Variants in GTF2E2 observed in about 807,000 individuals in gnomAD.
The protein encoded by GTF2E2 is general transcription factor IIE subunit 2.
A neutral mutation model predicts 40.5 loss-of-function variants in GTF2E2; 21 were observed. The ratio of observed to expected loss-of-function variants is 0.52; its 90% CI spans 0.37 to 0.75. The LOEUF (loss-of-function observed/expected upper bound fraction) is 0.75. Ranked by LOEUF, GTF2E2 falls within the 30% of genes least tolerant of loss-of-function variation. The pLI is 0.00. For synonymous variants in GTF2E2, 117 were observed against 121.6 expected (o/e 0.96, Z 0.25); for missense variants, 298 against 338.4 (o/e 0.88, Z 0.94).
chr8:30,627,424 C>CAAA (rs1801312352), intron 3 of GTF2E2, among the ~76,000 whole-genome samples: 1 of 133,622 alleles, frequency 7.5e-6, no homozygotes, highest in Admixed American at 8.3e-5. Context: ...GTGACTGGCT[C>CAAA]ACGGCAAGGT....
intron 6 of GTF2E2, among the ~76,000 whole-genome samples, chr8:30,586,640 T>C (rs1404491889): frequency 6.6e-6 from 1 of 152,150 alleles, no homozygotes; most frequent in African/African-American, 2.4e-5. Flanking sequence ...CAAACTATAT[T>C]ACAATGCTAC....
chr8:30,585,356 G>T (rs978410682), intron 6 of GTF2E2, among the ~76,000 whole-genome samples: 1 of 152,116 alleles, frequency 6.6e-6, no homozygotes, highest in Non-Finnish European at 1.5e-5. Flanking sequence ...CTGTGTGCTG[G>T]TGTCTTTAAT....
At chr8:30,640,053 T>C (rs1156917425) in intron 2 of GTF2E2, among the ~76,000 whole-genome samples, 2 of 152,196 alleles carry the variant, frequency 1.3e-5, no homozygotes, top group African/African-American at 4.8e-5. Context: ...ACCACCCACA[T>C]TGTTTTAACA....
chr8:30,610,466 T>C (rs1029864901), intron 5 of GTF2E2, among the ~76,000 whole-genome samples: 3 of 142,210 alleles, frequency 2.1e-5, no homozygotes, highest in Non-Finnish European at 4.6e-5. Flanking sequence ...AAAAAAAGGC[T>C]ACATTAATCA....
chr8:30,646,602 TACA>T (rs1802084337), intron 2 of GTF2E2, among the ~76,000 whole-genome samples: 1 of 152,202 alleles, frequency 6.6e-6, no homozygotes, highest in African/African-American at 2.4e-5. Context: ...AAAGATTTTT[TACA>T]ATGGCATTAC....
intron 6 of GTF2E2, among the ~76,000 whole-genome samples, chr8:30,595,212 T>C (rs1360141698): frequency 6.6e-6 from 1 of 152,198 alleles, no homozygotes; most frequent in East Asian, 1.9e-4. Context: ...GTAAAGACAT[T>C]AGAACAGTAT....
At chr8:30,615,614 A>G (rs982240238) in intron 3 of GTF2E2, among the ~76,000 whole-genome samples, 1 of 152,212 alleles carries the variant, frequency 6.6e-6, no homozygotes, top group Non-Finnish European at 1.5e-5. Flanking sequence ...TTAATAAGTT[A>G]AAAAACATAT....
At chr8:30,643,830 A>G (rs1458495053) in intron 2 of GTF2E2, 1 of 152,064 alleles carries the variant, frequency 6.6e-6, no homozygotes, top group Non-Finnish European at 1.5e-5. Flanking sequence ...AAAAAAGTAC[A>G]TGGGGTTCAT....
intron 3 of GTF2E2, among the ~76,000 whole-genome samples, chr8:30,629,108 A>G (rs1563497764): frequency 6.6e-6 from 1 of 152,220 alleles, no homozygotes; most frequent in Non-Finnish European, 1.5e-5. Context: ...ATATATATTC[A>G]TATCTTATAT....
At chr8:30,619,131 G>A (rs1014777622) in intron 3 of GTF2E2, among the ~76,000 whole-genome samples, 3 of 151,966 alleles carry the variant, frequency 2.0e-5, no homozygotes, top group Non-Finnish European at 4.4e-5. Flanking sequence ...TAGTAAAGAC[G>A]AGGTTTCACC....
chr8:30,626,598 T>C (rs971859670), intron 3 of GTF2E2, among the ~76,000 whole-genome samples: 5 of 152,252 alleles, frequency 3.3e-5, no homozygotes, highest in Admixed American at 3.3e-4. Context: ...TATAAACATG[T>C]CTGACAGTGC....
intron 6 of GTF2E2, among the ~76,000 whole-genome samples, chr8:30,604,199 A>C (rs1462873676): frequency 4.6e-5 from 7 of 152,168 alleles, no homozygotes; most frequent in Non-Finnish European, 1.0e-4. Flanking sequence ...CACAAAAAAG[A>C]AAAGTGACCA....
intron 3 of GTF2E2, among the ~76,000 whole-genome samples, chr8:30,617,350 A>C (rs903770859): frequency 6.6e-6 from 1 of 152,200 alleles, no homozygotes; most frequent in East Asian, 1.9e-4. Flanking sequence ...CTATGTGCTG[A>C]GAGTACTGCA....
At chr8:30,648,582 C>T (rs1013746837) in intron 2 of GTF2E2, among the ~76,000 whole-genome samples, 1 of 152,342 alleles carries the variant, frequency 6.6e-6, no homozygotes. Flanking sequence ...CAATGAGTGA[C>T]TTGTGACTAA....
chr8:30,631,681 AGTAG>A (rs1585985995), intron 3 of GTF2E2, among the ~76,000 whole-genome samples: 2 of 152,378 alleles, frequency 1.3e-5, no homozygotes, highest in East Asian at 3.9e-4. Flanking sequence ...AGTTTGAAGC[AGTAG>A]GTATCTCTTT....
intron 2 of GTF2E2, among the ~76,000 whole-genome samples, chr8:30,641,851 G>A (rs1211156979): frequency 2.6e-5 from 4 of 152,140 alleles, no homozygotes; most frequent in Non-Finnish European, 4.4e-5. Context: ...CATCCAGCCT[G>A]GGTGACAGAA....
At chr8:30,628,948 A>T (rs1030303760) in intron 3 of GTF2E2, among the ~76,000 whole-genome samples, 21 of 151,742 alleles carry the variant, frequency 1.4e-4, no homozygotes, top group South Asian at 8.3e-4. Flanking sequence ...AAAAAAAAAA[A>T]TTTTACCAGC....
rs901439196 is a variant in GTF2E2, at chr8:30,621,414, T to A, written c.259-6699A>T. Reference sequence around the variant, plus strand: ...AAGTTGCTAAGGGGAAGCTACTGGATCAAAATGAGTGATGAACAATAAAAG... The same window carrying A: ...AAGTTGCTAAGGGGAAGCTACTGGAACAAAATGAGTGATGAACAATAAAAG... On this transcript the variant is annotated intron_variant, in intron 3 of 7. Transcript: ENST00000355904. 5.9e-5 allele frequency among the ~76,000 whole-genome samples: 9 copies of A among 151,946 alleles called. 1 individual carries two copies. Among genetic ancestry groups the A allele is most frequent in the African/African-American group, 2.2e-4 (9 of 41,292 alleles).
At chr8:30,598,954 T>C (rs1829091349) in intron 6 of GTF2E2, among the ~76,000 whole-genome samples, 1 of 152,096 alleles carries the variant, frequency 6.6e-6, no homozygotes, top group Non-Finnish European at 1.5e-5. Flanking sequence ...GCCCAGGAGT[T>C]CAAGACCAGT....
Sources: allele counts gnomAD v4.1 joint callset (sites outside exome capture counted in the v4.1 genomes callset), GRCh38; gene constraint gnomAD v4.1.1; transcripts MANE v1.5; gene names NCBI Gene and HGNC (gene_info 2026-07-23, HGNC 2026-07-21).